EXOC4: variants seen among roughly 807,000 people sequenced by gnomAD.
The protein encoded by EXOC4 is SEC8-like 1.
In EXOC4, 71 loss-of-function variants were observed where a neutral mutation model predicts 107.2. The observed-to-expected ratio is 0.66, with a 90% CI of 0.55 to 0.81. The LOEUF (loss-of-function observed/expected upper bound fraction) is 0.81. Ranked by LOEUF, EXOC4 falls within the 30% of genes least tolerant of loss-of-function variation. The pLI, the probability that EXOC4 is intolerant of heterozygous loss-of-function variation, is 0.00. For synonymous variants in EXOC4, 456 were observed against 441.2 expected (o/e 1.03, Z -0.42); for missense variants, 1,108 against 1,189.6 (o/e 0.93, Z 1.01).
intron 9 of EXOC4, among the ~76,000 whole-genome samples, chr7:133,499,218 G>A (rs986432078): frequency 1.3e-5 from 2 of 151,490 alleles, no homozygotes; most frequent in South Asian, 2.1e-4. Context: ...ATTATTTGCT[G>A]TTGTTTAAAA....
intron 9 of EXOC4, among the ~76,000 whole-genome samples, chr7:133,501,551 G>A (rs924756170): frequency 6.6e-6 from 1 of 152,150 alleles, no homozygotes; most frequent in Non-Finnish European, 1.5e-5. Context: ...ACAGAGAGAA[G>A]GGGAGAAGCT....
At chr7:133,615,264 CCCT>C (rs201330185) in intron 9 of EXOC4, among the ~76,000 whole-genome samples, 8 of 151,768 alleles carry the variant, frequency 5.3e-5, no homozygotes, top group Non-Finnish European at 1.0e-4. Context: ...CTCCTCTTCT[CCCT>C]CCTCCTCCTC....
intron 6 of EXOC4, 53 bp downstream of exon 6, chr7:133,356,626 C>T (rs183809943): frequency 6.3e-7 from 1 of 1,595,460 alleles, no homozygotes; most frequent in East Asian, 2.2e-5. Context: ...TGCACATTTT[C>T]TAGGGTGGGG....
At chr7:133,455,906 T>G (rs1584931329) in intron 7 of EXOC4, among the ~76,000 whole-genome samples, 1 of 152,210 alleles carries the variant, frequency 6.6e-6, no homozygotes, top group East Asian at 1.9e-4. Flanking sequence ...ATCATACACC[T>G]TTATTATTTA....
intron 10 of EXOC4, among the ~76,000 whole-genome samples, chr7:133,649,188 G>T (rs578216906): frequency 2.6e-4 from 39 of 152,130 alleles, no homozygotes; most frequent in African/African-American, 8.9e-4. Flanking sequence ...CCCAATGTTT[G>T]CAAAATCCCC....
intron 4 of EXOC4, among the ~76,000 whole-genome samples, chr7:133,313,156 T>C (rs560533383): frequency 6.6e-5 from 10 of 151,434 alleles, no homozygotes; most frequent in African/African-American, 1.7e-4. Context: ...TTTTTTTTTT[T>C]CCCTCTTGGC....
intron 9 of EXOC4, among the ~76,000 whole-genome samples, chr7:133,511,063 T>C (rs982941535): frequency 6.6e-6 from 1 of 152,164 alleles, no homozygotes; most frequent in East Asian, 1.9e-4. Context: ...TTGGACATAT[T>C]ATTAATCCAG....
chr7:133,709,439 C>T (rs1794837709), intron 10 of EXOC4, among the ~76,000 whole-genome samples: 1 of 152,152 alleles, frequency 6.6e-6, no homozygotes, highest in African/African-American at 2.4e-5. Flanking sequence ...TTGCTACCTG[C>T]CAATTTGTTT....
intron 9 of EXOC4, 166 bp downstream of exon 9, chr7:133,480,304 G>T (rs1799123534): frequency 6.9e-7 from 1 of 1,451,498 alleles, no homozygotes; most frequent in Non-Finnish European, 9.1e-7. Flanking sequence ...TGCCAAGCAG[G>T]TAAAACTATT....
At chr7:133,736,389 T>C (rs1157714762) in intron 10 of EXOC4, among the ~76,000 whole-genome samples, 1 of 152,208 alleles carries the variant, frequency 6.6e-6, no homozygotes, top group African/African-American at 2.4e-5. Context: ...TTCTAATCCT[T>C]TGTTTCCATC....
In EXOC4 at chr7:133,712,678, A is replaced by G. The variant is rs180757873; in HGVS notation, c.1514+82537A>G. 5.3e-5 allele frequency among the ~76,000 whole-genome samples: 8 copies of G among 152,342 alleles called. No individual in the cohort carries two copies. The East Asian group carries it at 1.5e-3, about 29-fold the overall frequency. ...CACACATTAATAAAGCTCTATTCAC[A>G]ATAGCTGAAAGATAGAAATAGCCCA... On this transcript the variant is annotated intron_variant, in intron 10 of 17. Coordinates refer to ENST00000253861, the MANE Select transcript of EXOC4 (RefSeq NM_021807.4).
chr7:133,554,202 T>A (rs1800648736), intron 9 of EXOC4, among the ~76,000 whole-genome samples: 2 of 152,198 alleles, frequency 1.3e-5, no homozygotes, highest in Non-Finnish European at 1.5e-5. Context: ...ATTAAAATCT[T>A]TGTAGACTGT....
At chr7:133,930,204 G>A (rs1445167314) in intron 13 of EXOC4, among the ~76,000 whole-genome samples, 5 of 152,242 alleles carry the variant, frequency 3.3e-5, no homozygotes, top group African/African-American at 9.6e-5. Flanking sequence ...TTATAATTAT[G>A]CACTGTATCA....
chr7:134,070,623 A>G (rs1796261377), downstream of EXOC4, among the ~76,000 whole-genome samples: 1 of 152,162 alleles, frequency 6.6e-6, no homozygotes, highest in South Asian at 2.1e-4. Context: ...CTGCTTTAAC[A>G]TGTCTGGGCC....
intron 5 of EXOC4, among the ~76,000 whole-genome samples, chr7:133,354,422 A>G (rs965614510): frequency 2.0e-5 from 3 of 152,088 alleles, no homozygotes; most frequent in African/African-American, 7.2e-5. Context: ...GCACCTTTAC[A>G]TGGGCATGCA....
intron 10 of EXOC4, among the ~76,000 whole-genome samples, chr7:133,639,488 A>G (rs1258824472): frequency 1.3e-5 from 2 of 152,096 alleles, no homozygotes; most frequent in African/African-American, 4.8e-5. Context: ...TTTGTAGTTA[A>G]ACAAAAATAG....
intron 1 of EXOC4, among the ~76,000 whole-genome samples, chr7:133,255,140 T>A (rs1465568765): frequency 6.6e-6 from 1 of 151,764 alleles, no homozygotes; most frequent in East Asian, 1.9e-4. Flanking sequence ...TATTTTTTAC[T>A]TTGATCTCTG....
At chr7:133,597,464 G>C (rs185292435) in intron 9 of EXOC4, among the ~76,000 whole-genome samples, 1 of 148,986 alleles carries the variant, frequency 6.7e-6, no homozygotes. Flanking sequence ...TGAGGCAGGA[G>C]AATCGCTTGA....
Position 133,317,143 on chromosome 7 carries a change from G to A in EXOC4, c.657-141G>A, listed in dbSNP as rs898389906. The A allele has an allele frequency of 6.4e-6, 4 of 625,148 alleles. No homozygotes were observed. In the East Asian group the frequency reaches 8.0e-5, roughly 13 times the overall value. 38.7% of individuals were successfully genotyped at this position (625,148 alleles called of 1,614,324 possible). A position where few individuals can be genotyped will look rare whatever the true frequency, so the allele number is the denominator to read the frequency against. On this transcript the variant is annotated intron_variant, in intron 4 of 17. Transcript: ENST00000253861. ...ATTGGAAATATACTGGGGAGATCCA[G>A]TATAGTATATACTGGGGAGATCCAG...
Sources: allele counts gnomAD v4.1 joint callset (sites outside exome capture counted in the v4.1 genomes callset), GRCh38; gene constraint gnomAD v4.1.1; transcripts MANE v1.5; gene names NCBI Gene and HGNC (gene_info 2026-07-23, HGNC 2026-07-21).